TMPRSS15: variants seen among roughly 807,000 people sequenced by gnomAD.
TMPRSS15 encodes enteropeptidase.
A neutral mutation model predicts 125.3 loss-of-function variants in TMPRSS15; 128 were observed. The observed-to-expected ratio is 1.02, with a 90% CI of 0.89 to 1.18. The LOEUF is 1.18. Among genes scored for constraint, TMPRSS15 ranks in the 50% most tolerant of loss-of-function variants. The probability of loss-of-function intolerance (pLI) is 0.00; values close to 1 mark genes in which losing one functional copy is unlikely to be tolerated. For missense variants in TMPRSS15, 1,283 were observed against 1,212.7 expected, an observed-to-expected ratio of 1.06 and a Z score of -0.86; for synonymous variants, 446 against 423.2, an observed-to-expected ratio of 1.05 and a Z score of -0.66.
Position 18,478,993 on chromosome 21 carries a change from T to C in TMPRSS15, c.10+6806A>G, listed in dbSNP as rs1340444670. On this transcript the variant is annotated intron_variant, in intron 1 of 7. Coordinates refer to the TMPRSS15 transcript ENST00000422787. ...AGAACTCTTTCATATGTCAGATTTC[T>C]TTTGGATTTTGGATATTTGCATTAT... Among the ~76,000 whole-genome samples the C allele has an allele frequency of 2.0e-5, 3 of 152,108 alleles. No homozygotes were observed. In the East Asian group the frequency reaches 5.8e-4, roughly 29 times the overall value.
At chr21:18,396,792 A>ATCTGTCTG (rs796799787) in intron 3 of TMPRSS15, among the ~76,000 whole-genome samples, 2 of 112,794 alleles carry the variant, frequency 1.8e-5, no homozygotes, top group South Asian at 3.6e-4. Context: ...AAAAAAAAAA[A>ATCTGTCTG]TCTGTCTGTC....
intron 7 of TMPRSS15, among the ~76,000 whole-genome samples, chr21:18,364,794 A>C (rs1250556511): frequency 2.0e-5 from 3 of 152,208 alleles, no homozygotes; most frequent in African/African-American, 7.2e-5. Context: ...AATATTTTAT[A>C]GACAAATGCA....
intron 1 of TMPRSS15, among the ~76,000 whole-genome samples, chr21:18,473,670 G>A (rs1243056203): frequency 6.6e-6 from 1 of 152,030 alleles, no homozygotes; most frequent in East Asian, 1.9e-4. Flanking sequence ...GACCTGAGAA[G>A]TATTTTTTTC....
chr21:18,327,000 T>C (rs982056507), intron 15 of TMPRSS15, among the ~76,000 whole-genome samples: 1 of 152,194 alleles, frequency 6.6e-6, no homozygotes, highest in Non-Finnish European at 1.5e-5. Flanking sequence ...ATCTGAAGGA[T>C]GGATTATTTG....
chr21:18,403,216 C>G (rs1278936933), intron 1 of TMPRSS15, among the ~76,000 whole-genome samples: 1 of 152,132 alleles, frequency 6.6e-6, no homozygotes, highest in African/African-American at 2.4e-5. Flanking sequence ...TTAAAAACTA[C>G]TCAGTCTCAT....
intron 15 of TMPRSS15, 71 bp downstream of exon 15, chr21:18,329,098 A>C: frequency 6.5e-7 from 1 of 1,544,580 alleles, no homozygotes; most frequent in Non-Finnish European, 8.8e-7. Context: ...ACATTAATTA[A>C]GAAACGCTCT....
chr21:18,445,370 G>A (rs956755908), intron 1 of TMPRSS15, among the ~76,000 whole-genome samples: 2 of 151,920 alleles, frequency 1.3e-5, no homozygotes, highest in East Asian at 3.9e-4. Flanking sequence ...TAATAGAGAT[G>A]GGGTTTCACC....
At chr21:18,311,938 A>G (rs1047637766) in intron 18 of TMPRSS15, among the ~76,000 whole-genome samples, 10 of 152,154 alleles carry the variant, frequency 6.6e-5, no homozygotes, top group African/African-American at 2.2e-4. Context: ...TATATAATGT[A>G]TTGCTTAAGT....
At chr21:18,300,708 T>C (rs1223483486) in intron 18 of TMPRSS15, among the ~76,000 whole-genome samples, 1 of 152,210 alleles carries the variant, frequency 6.6e-6, no homozygotes, top group Admixed American at 6.5e-5. Context: ...TGAACAAGTA[T>C]TTAAAAATTA....
At chr21:18,294,508 T>C (rs1055461593) in intron 20 of TMPRSS15, 64 bp from the exon 21 acceptor site, 3 of 1,607,414 alleles carry the variant, frequency 1.9e-6, no homozygotes, top group South Asian at 2.2e-5. Flanking sequence ...ATGGTGAAAA[T>C]TGAGTGGTAA....
At chr21:18,433,292 C>A (rs1307839870) in intron 1 of TMPRSS15, among the ~76,000 whole-genome samples, 3 of 152,008 alleles carry the variant, frequency 2.0e-5, no homozygotes, top group Non-Finnish European at 4.4e-5. Context: ...AAATTAAAAC[C>A]AAATTGGTGT....
At chr21:18,419,477 A>G (rs1213276758) in intron 1 of TMPRSS15, among the ~76,000 whole-genome samples, 2 of 152,070 alleles carry the variant, frequency 1.3e-5, no homozygotes, top group Admixed American at 6.5e-5. Context: ...CACCTGCCTC[A>G]GCCTCCCAAA....
intron 1 of TMPRSS15, among the ~76,000 whole-genome samples, chr21:18,439,640 G>C (rs922286081): frequency 9.9e-5 from 15 of 152,054 alleles, no homozygotes; most frequent in African/African-American, 2.7e-4. Flanking sequence ...CTTGACACTA[G>C]ACAGTAGAAT....
intron 1 of TMPRSS15, among the ~76,000 whole-genome samples, chr21:18,444,970 C>T (rs747216075): frequency 7.2e-5 from 11 of 152,020 alleles, no homozygotes; most frequent in Admixed American, 3.3e-4. Context: ...AAAGTAGTTG[C>T]GGTTTTTGCC....
At chr21:18,472,225 AT>A (rs887970762) in intron 1 of TMPRSS15, among the ~76,000 whole-genome samples, 7 of 150,976 alleles carry the variant, frequency 4.6e-5, no homozygotes, top group East Asian at 2.0e-4. Flanking sequence ...CTAAAAAGAA[AT>A]TTTTTTTTGT....
intron 1 of TMPRSS15, among the ~76,000 whole-genome samples, chr21:18,484,293 T>C (rs1979037519): frequency 6.6e-6 from 1 of 151,744 alleles, no homozygotes; most frequent in Non-Finnish European, 1.5e-5. Context: ...TTTAAGGAGG[T>C]CCATGATTGT....
chr21:18,379,143 T>C (rs1340234830), intron 5 of TMPRSS15, 140 bp downstream of exon 5: 6 of 371,044 alleles, frequency 1.6e-5, no homozygotes, highest in African/African-American at 1.3e-4. Flanking sequence ...AACTGCAGAC[T>C]TTTATGCTCT....
At chr21:18,397,613 A>G (rs893906137) in intron 3 of TMPRSS15, among the ~76,000 whole-genome samples, 1 of 152,120 alleles carries the variant, frequency 6.6e-6, no homozygotes, top group African/African-American at 2.4e-5. Context: ...GTCAAATACT[A>G]TATCTGCATC....
At chr21:18,370,633 C>T (rs1043018073) in intron 6 of TMPRSS15, among the ~76,000 whole-genome samples, 1 of 152,118 alleles carries the variant, frequency 6.6e-6, no homozygotes, top group African/African-American at 2.4e-5. Context: ...TATTCCGCAG[C>T]CTGCACTTTC....
Sources: allele counts gnomAD v4.1 joint callset (sites outside exome capture counted in the v4.1 genomes callset), GRCh38; gene constraint gnomAD v4.1.1; transcripts MANE v1.5; gene names NCBI Gene and HGNC (gene_info 2026-07-23, HGNC 2026-07-21).